Variants in NBR1 observed in about 807,000 individuals in gnomAD.
NBR1 encodes the protein NBR1 autophagy cargo receptor.
A neutral mutation model predicts 115.5 loss-of-function variants in NBR1; 59 were observed. The observed-to-expected ratio is 0.51, with a 90% CI of 0.41 to 0.63. The LOEUF is 0.63. NBR1 is among the 30% of genes least tolerant of loss of function. The probability of loss-of-function intolerance (pLI) is 0.00; values close to 1 mark genes in which losing one functional copy is unlikely to be tolerated. For missense variants in NBR1, 1,043 were observed against 1,150.5 expected (o/e 0.91, Z 1.35); for synonymous variants, 373 against 414.7 (o/e 0.90, Z 1.22).
chr17:43,202,617 T>A (rs1255614390), intron 18 of NBR1, 38 bp from the exon 19 acceptor site: 1 of 1,500,778 alleles, frequency 6.7e-7, no homozygotes, highest in Admixed American at 2.0e-5. Context: ...TAGGTGCTTA[T>A]GGATGCTGCA....
In NBR1 at chr17:43,201,744, C is replaced by T. The variant is rs1189745800; in HGVS notation, c.2527C>T (p.Pro843Ser). 6.2e-7 allele frequency: 1 copy of T among 1,607,428 alleles called. No homozygotes were observed. ...AGGAGTGGATTTACCAGTTACCATA[C>T]CAGAAGTTTCTTCAGTCCCTGATCA... The part of the protein sequence containing the change: ...SPGVDLPVTI[P>S]EVSSVPDQIR... The change falls in exon 18 of 21, where the codon CCA (proline) becomes TCA (serine). Residue 843 changes from proline (P) to serine (S), a missense_variant. By Grantham distance (74) the Pro-to-Ser change is moderately conservative. Transcript: ENST00000590996.
At chr17:43,198,737 G>A (rs547712280) in intron 16 of NBR1, among the ~76,000 whole-genome samples, 25 of 152,144 alleles carry the variant, frequency 1.6e-4, no homozygotes, top group African/African-American at 5.8e-4. Context: ...CGAGGTGGGC[G>A]GATCATGAGG....
chr17:43,205,736 G>C (rs772288658), intron 20 of NBR1, among the ~76,000 whole-genome samples: 3 of 151,976 alleles, frequency 2.0e-5, no homozygotes, highest in Admixed American at 6.6e-5. Context: ...AAATTAGCTG[G>C]GCATGGTGGT....
In NBR1 at chr17:43,189,470, G is replaced by A. The variant is rs1597986478; in HGVS notation, c.481-118G>A. On this transcript the variant is annotated intron_variant, in intron 7 of 20. Coordinates refer to ENST00000590996, the MANE Select transcript of NBR1 (RefSeq NM_005899.5). ...TGTTTCTGTCTATTCAGTAGCAGTTGTTTATTGTGTTTTTGTATTATACCA... is the reference window on the plus strand; with the variant it reads ...TGTTTCTGTCTATTCAGTAGCAGTTATTTATTGTGTTTTTGTATTATACCA... The A allele has an allele frequency of 1.3e-5, 9 of 696,792 alleles. No homozygotes were observed. The East Asian group carries it at 2.1e-4, about 16-fold the overall frequency. 43.2% of individuals were successfully genotyped at this position (696,792 alleles called of 1,614,324 possible).
chr17:43,186,306 C>T lies in NBR1; in HGVS notation c.264C>T (p.Val88=), dbSNP rs371696191. 10 of 1,589,594 alleles carry T rather than the reference C, an allele frequency of 6.3e-6. No individual in the cohort carries two copies. Among genetic ancestry groups the T allele is most frequent in the African/African-American group, 1.3e-5 (1 of 74,382 alleles). The change falls in exon 6 of 21, where the codon GTC becomes GTT. Residue 88 remains valine, a synonymous_variant. Transcript: ENST00000590996. ...TGCAAGTCCACGAAGGGCACCATGT[C>T]GTTGATGAAGCCCCACCCCCAGTTG... is the stretch of plus-strand genomic sequence containing the variant. The part of the protein sequence containing the change: ...LQMQVHEGHH[V]VDEAPPPVVG...
At chr17:43,194,578 A>G in intron 13 of NBR1, 79 bp downstream of exon 13, 1 of 1,484,984 alleles carries the variant, frequency 6.7e-7, no homozygotes, top group Non-Finnish European at 9.2e-7. Context: ...CATAGGCAGT[A>G]ATCAGGAAAT....
intron 10 of NBR1, 34 bp from the exon 11 acceptor site, chr17:43,193,060 C>T (rs1357470026): frequency 1.9e-6 from 3 of 1,606,348 alleles, no homozygotes; most frequent in Non-Finnish European, 2.6e-6. Context: ...TCACACCCAA[C>T]AGCAAGTGAC....
At chr17:43,198,893 G>T (rs1197131298) in intron 16 of NBR1, among the ~76,000 whole-genome samples, 1 of 152,024 alleles carries the variant, frequency 6.6e-6, no homozygotes, top group African/African-American at 2.4e-5. Context: ...AACCTGGGAG[G>T]TGCAGCTTGC....
chr17:43,202,711 A>G lies in NBR1; in HGVS notation c.2620A>G (p.Arg874Gly). The G allele has an allele frequency of 6.4e-7, 1 of 1,570,344 alleles. No homozygotes were observed. Among genetic ancestry groups the G allele is most frequent in the Non-Finnish European group, 8.6e-7 (1 of 1,156,118 alleles). Residue 874 changes from arginine to glycine, a missense_variant and splice_region_variant, in exon 19 of 21, where the codon AGG becomes GGG. Transcript: ENST00000590996. ...NSRQKSYDHS[R>G]HHHGSSIAGG... is the part of the protein sequence containing the mutation. ...CAGACAGAAGAGCTATGACCACTCA[A>G]GGTAACAACCTTGTGCAGTCTCTTT...
rs745852866 is a variant in NBR1 at position 43,194,515 on chromosome 17, C to T, written c.1674+16C>T. The T allele has an allele frequency of 2.5e-6, 4 of 1,613,264 alleles. No homozygotes were observed. The highest frequency in any genetic ancestry group is 2.5e-6 in the Non-Finnish European group (3 of 1,179,608). On this transcript the variant is annotated intron_variant, in intron 13 of 20. Transcript: ENST00000590996. ...GACTGCCCAGGTGGAAGATTCAGCA[C>T]TTTGAAGGGCAAGGGACAGAGGGAG...
intron 20 of NBR1, among the ~76,000 whole-genome samples, chr17:43,205,696 G>A (rs867313879): frequency 6.6e-6 from 1 of 151,958 alleles, no homozygotes; most frequent in African/African-American, 2.4e-5. Flanking sequence ...GGGCAACAGG[G>A]CAAAACCCTG....
Position 43,175,845 on chromosome 17 carries a change from C to G in NBR1, c.46C>G (p.Gln16Glu). 1 of 1,606,508 alleles carries G rather than the reference C, an allele frequency of 6.2e-7. No homozygotes were observed. The highest frequency in any genetic ancestry group is 8.5e-7 in the Non-Finnish European group (1 of 1,175,322). The change falls in exon 2 of 21, where the codon CAA (glutamine) becomes GAA (glutamate). Residue 16 changes from glutamine (Q) to glutamate (E), a missense_variant. By Grantham distance (29) the Gln-to-Glu change is conservative (BLOSUM62 2). Transcript: ENST00000590996. ...AAATGTGACTTTTAAAAATGAAATT[C>G]AAAGCTTTCTGGTTTCTGATCCAGA... is the stretch of plus-strand genomic sequence containing the variant. ...TLNVTFKNEI[Q>E]SFLVSDPENT... is the part of the protein sequence containing the mutation.
rs1407784252 is a variant in NBR1 at position 43,200,216 on chromosome 17, T to G, written c.2076T>G (p.Ile692Met). The G allele has an allele frequency of 3.2e-6, 5 of 1,551,504 alleles. No homozygotes were observed. In the African/African-American group the frequency reaches 4.1e-5, roughly 13 times the overall value. Residue 692 changes from isoleucine (I) to methionine (M), a missense_variant, in exon 17 of 21, where the codon ATT becomes ATG. Transcript: ENST00000590996. ...EGPLGNEKEE[I>M]IHIAEEEAVM... ...CACTTGGAAATGAGAAGGAGGAGAT[T>G]ATCCATATCGCTGAGGAAGAAGCTG...
chr17:43,170,412 C>A (rs1436871111), upstream of NBR1: 1 of 153,526 alleles, frequency 6.5e-6, no homozygotes, highest in African/African-American at 2.4e-5. Flanking sequence ...AGGAAGAATT[C>A]TACCTGAGTT....
chr17:43,207,509 C>G (rs183731451), intron 20 of NBR1, among the ~76,000 whole-genome samples: 1 of 152,278 alleles, frequency 6.6e-6, no homozygotes, highest in Admixed American at 6.5e-5. Flanking sequence ...AGGTGGGCAC[C>G]ACCATGCCTA....
At chr17:43,188,711 T>C (rs943042980) in intron 6 of NBR1, among the ~76,000 whole-genome samples, 5 of 152,220 alleles carry the variant, frequency 3.3e-5, no homozygotes, top group Admixed American at 3.3e-4. Context: ...GTTTATTAAA[T>C]AGGGAATCCT....
intron 20 of NBR1, chr17:43,209,618 C>T (rs573406663): frequency 3.1e-5 from 47 of 1,535,468 alleles, no homozygotes; most frequent in South Asian, 1.5e-4. Flanking sequence ...CTGAAAGCCC[C>T]GAGTGAAGCA....
chr17:43,209,884 TG>T lies in NBR1; in HGVS notation c.2728-16del, dbSNP rs1598024760. 2.7e-6 allele frequency: 4 copies of T among 1,467,676 alleles called. No homozygotes were observed. Among genetic ancestry groups the T allele is most frequent in the Non-Finnish European group, 3.6e-6 (4 of 1,108,698 alleles). The allele number at this position is 1,467,676 out of a possible 1,614,324, so 90.9% of individuals were successfully genotyped here. ...AGAATTTTTTTTTTTTTTTTTGCTT[TG>T]CTTGTCTCTACACAGCCAATAATTT... On this transcript the variant is annotated splice_polypyrimidine_tract_variant and intron_variant, in intron 20 of 20. Transcript: ENST00000590996.
intron 4 of NBR1, 113 bp downstream of exon 4, chr17:43,179,525 C>T: frequency 2.0e-6 from 2 of 985,080 alleles, no homozygotes; most frequent in Non-Finnish European, 1.6e-6. Context: ...AGTGACATTG[C>T]ACTGATGGAC....
Sources: allele counts gnomAD v4.1 joint callset (sites outside exome capture counted in the v4.1 genomes callset), GRCh38; gene constraint gnomAD v4.1.1; transcripts MANE v1.5; gene names NCBI Gene and HGNC (gene_info 2026-07-23, HGNC 2026-07-21).